The following IL1RAPL1 variants were observed in gnomAD, a reference collection of about 807,000 sequenced individuals.
IL1RAPL1 encodes interleukin 1 receptor accessory protein like 1.
In IL1RAPL1, 3 loss-of-function variants were observed where a neutral mutation model predicts 48.4. The ratio of observed to expected loss-of-function variants is 0.06; its 90% confidence interval spans 0.03 to 0.16. The LOEUF (loss-of-function observed/expected upper bound fraction) is 0.16, where lower values mean the gene tolerates loss of function less well. IL1RAPL1 is among the 10% of genes least tolerant of loss of function. The probability of loss-of-function intolerance (pLI) is 1.00; values close to 1 mark genes in which losing one functional copy is unlikely to be tolerated. For missense variants in IL1RAPL1, 349 were observed against 530.6 expected (o/e 0.66, Z 3.36); for synonymous variants, 185 against 187.7 (o/e 0.99, Z 0.12).
intron 5 of IL1RAPL1, among the ~76,000 whole-genome samples, chrX:29,555,854 G>A (rs769092426): frequency 1.8e-5 from 2 of 111,702 alleles, no homozygotes; most frequent in African/African-American, 6.5e-5. Context: ...CACTGGGGAG[G>A]GGGGAAACAA....
At position 29,352,794 on chromosome X, in the gene IL1RAPL1, G is replaced by GA. The variant is rs201534043; in HGVS notation, c.363-43454dup. 2.6e-4 allele frequency among the ~76,000 whole-genome samples: 27 copies of GA among 105,672 alleles called. No homozygotes were observed. In the East Asian group the frequency reaches 5.9e-3, roughly 23 times the overall value. 91.8% of individuals were successfully genotyped at this position (105,672 alleles called of 115,157 possible). A position where few individuals can be genotyped will look rare whatever the true frequency, so the allele number is the denominator to read the frequency against. On this transcript the variant is annotated intron_variant, in intron 3 of 10. Transcript: ENST00000378993. ...TCTTGTGAACTATTTGATAACTTTA[G>GA]AAAAAAAAAATAACCCAGTGTTGTT...
intron 6 of IL1RAPL1, among the ~76,000 whole-genome samples, chrX:29,711,189 C>CT (rs397896336): frequency 0.11 from 10,400 of 91,147 alleles, 1,096 homozygotes; most frequent in African/African-American, 0.31. Flanking sequence ...TTTTTCTTTT[C>CT]TTTTTTTTTT....
intron 2 of IL1RAPL1, among the ~76,000 whole-genome samples, chrX:28,873,214 G>A (rs1203491732): frequency 9.8e-6 from 1 of 102,168 alleles, no homozygotes; most frequent in South Asian, 4.8e-4. Context: ...GGGTTCAAGC[G>A]ATTCTCGTTA....
intron 1 of IL1RAPL1, among the ~76,000 whole-genome samples, chrX:28,772,431 G>A (rs770560799): frequency 9.0e-6 from 1 of 111,531 alleles, no homozygotes; most frequent in South Asian, 3.8e-4. Flanking sequence ...CCAGGAACAA[G>A]CTTAAATCCT....
intron 2 of IL1RAPL1, among the ~76,000 whole-genome samples, chrX:28,997,287 G>A (rs915130202): frequency 8.9e-6 from 1 of 111,873 alleles, no homozygotes; most frequent in South Asian, 3.7e-4. Flanking sequence ...GTGCTTTGAA[G>A]AGGAATTTTA....
chrX:28,716,533 G>A (rs1220966219), intron 1 of IL1RAPL1, among the ~76,000 whole-genome samples: 2 of 111,207 alleles, frequency 1.8e-5, no homozygotes, highest in African/African-American at 6.5e-5. Flanking sequence ...AACTCAAGAT[G>A]GATTAAAAAC....
At chrX:29,802,623 A>T (rs1601828875) in intron 6 of IL1RAPL1, among the ~76,000 whole-genome samples, 1 of 105,222 alleles carries the variant, frequency 9.5e-6, no homozygotes, top group African/African-American at 3.4e-5. Flanking sequence ...GTAGAACAAC[A>T]AAAGGAATTT....
intron 6 of IL1RAPL1, among the ~76,000 whole-genome samples, chrX:29,694,690 G>T (rs1926861896): frequency 9.0e-6 from 1 of 111,262 alleles, no homozygotes; most frequent in African/African-American, 3.3e-5. Flanking sequence ...AAGGAATGAG[G>T]GATCTCTCTC....
intron 6 of IL1RAPL1, among the ~76,000 whole-genome samples, chrX:29,754,036 T>C (rs192681646): frequency 1.8e-5 from 2 of 112,061 alleles, no homozygotes; most frequent in African/African-American, 3.2e-5. Flanking sequence ...TTCTCTGTAT[T>C]TTGTTCCTCC....
At chrX:29,684,510 G>T (rs1278631442) in intron 6 of IL1RAPL1, among the ~76,000 whole-genome samples, 1 of 95,609 alleles carries the variant, frequency 1.0e-5, no homozygotes, top group East Asian at 3.2e-4. Flanking sequence ...CGGTTTCTCA[G>T]GTTTTTGGTT....
At chrX:28,662,728 C>T (rs1220333932) in intron 1 of IL1RAPL1, among the ~76,000 whole-genome samples, 1 of 111,504 alleles carries the variant, frequency 9.0e-6, no homozygotes, top group African/African-American at 3.3e-5. Flanking sequence ...TATAATAGTG[C>T]GGCTTTCTCT....
chrX:29,232,285 A>T (rs1275628308), intron 2 of IL1RAPL1, among the ~76,000 whole-genome samples: 1 of 111,906 alleles, frequency 8.9e-6, no homozygotes, highest in Admixed American at 9.5e-5. Context: ...ACATGATTTT[A>T]CCGTAAAATA....
At chrX:29,895,506 T>C (rs1601871281) in intron 6 of IL1RAPL1, among the ~76,000 whole-genome samples, 1 of 112,746 alleles carries the variant, frequency 8.9e-6, no homozygotes, top group Admixed American at 9.3e-5. Context: ...ATCGCACCAC[T>C]GCACCACTGC....
chrX:29,543,506 C>G (rs1403570303), intron 5 of IL1RAPL1, among the ~76,000 whole-genome samples: 1 of 110,669 alleles, frequency 9.0e-6, no homozygotes, highest in African/African-American at 3.3e-5. Flanking sequence ...ATAATTGAAA[C>G]ACATGACTTT....
intron 3 of IL1RAPL1, among the ~76,000 whole-genome samples, chrX:29,371,292 C>T (rs1023788717): frequency 3.7e-5 from 4 of 108,953 alleles, no homozygotes; most frequent in Non-Finnish European, 5.7e-5. Flanking sequence ...ACACTATGCC[C>T]GGCTAATTTT....
At chrX:29,026,076 A>G (rs1032740296) in intron 2 of IL1RAPL1, among the ~76,000 whole-genome samples, 1 of 112,075 alleles carries the variant, frequency 8.9e-6, no homozygotes, top group Non-Finnish European at 1.9e-5. Context: ...TGCCTTTACT[A>G]AGGGAAAGAA....
At chrX:29,050,860 T>G (rs1008218032) in intron 2 of IL1RAPL1, among the ~76,000 whole-genome samples, 1 of 112,302 alleles carries the variant, frequency 8.9e-6, no homozygotes, top group African/African-American at 3.2e-5. Context: ...AAGCAATCCA[T>G]GTACAAAGGA....
chrX:28,848,170 G>T (rs1402248439), intron 2 of IL1RAPL1, among the ~76,000 whole-genome samples: 1 of 110,687 alleles, frequency 9.0e-6, no homozygotes, highest in Non-Finnish European at 1.9e-5. Flanking sequence ...GTCGGGGATG[G>T]GGGGAAAGGG....
intron 2 of IL1RAPL1, among the ~76,000 whole-genome samples, chrX:28,980,541 C>T (rs1285769969): frequency 9.0e-6 from 1 of 111,521 alleles, no homozygotes; most frequent in South Asian, 3.8e-4. Flanking sequence ...AATCTTACTC[C>T]CCGCACCTTC....
Sources: allele counts gnomAD v4.1 joint callset (sites outside exome capture counted in the v4.1 genomes callset), GRCh38; gene constraint gnomAD v4.1.1; transcripts MANE v1.5; gene names NCBI Gene and HGNC (gene_info 2026-07-23, HGNC 2026-07-21).